RAPGEF6: variants seen among roughly 807,000 people sequenced by gnomAD.
RAPGEF6 encodes the protein PDZ domain containing guanine nucleotide exchange factor (GEF) 2.
In RAPGEF6, 56 loss-of-function variants were observed where a neutral mutation model predicts 171.4. The ratio of observed to expected loss-of-function variants is 0.33; its 90% CI spans 0.26 to 0.41. The LOEUF is 0.41. Among genes scored for constraint, RAPGEF6 ranks in the 10% least tolerant of loss-of-function variants. The probability of loss-of-function intolerance (pLI) is 1.00; values close to 1 mark genes in which losing one functional copy is unlikely to be tolerated. For missense variants in RAPGEF6, 1,674 were observed against 1,921.4 expected, an observed-to-expected ratio of 0.87 and a Z score of 2.41; for synonymous variants, 692 against 650.1, an observed-to-expected ratio of 1.06 and a Z score of -0.98.
chr5:131,491,250 C>A (rs1430074238), intron 14 of RAPGEF6, among the ~76,000 whole-genome samples: 1 of 152,130 alleles, frequency 6.6e-6, no homozygotes, highest in African/African-American at 2.4e-5. Context: ...CCTCTGTCCA[C>A]CAACATGCCA....
At chr5:131,449,155 C>T (rs897861152) in intron 21 of RAPGEF6, among the ~76,000 whole-genome samples, 2 of 152,156 alleles carry the variant, frequency 1.3e-5, no homozygotes, top group African/African-American at 2.4e-5. Flanking sequence ...CAAAAGTCAT[C>T]TCTTTCTTCA....
chr5:131,479,853 T>G lies in RAPGEF6; in HGVS notation c.1841-100A>C. The G allele has an allele frequency of 3.2e-6, 4 of 1,265,520 alleles. No homozygotes were observed. The South Asian group carries it at 4.4e-5, about 14-fold the overall frequency. 78.4% of individuals were successfully genotyped at this position (1,265,520 alleles called of 1,614,324 possible). ...GATAAACACAGTGACTTTCCATTATTTGAACTTTCTCAGTCTCATTCAACT... is the reference window on the plus strand; with the variant it reads ...GATAAACACAGTGACTTTCCATTATGTGAACTTTCTCAGTCTCATTCAACT... On this transcript the variant is annotated intron_variant, in intron 15 of 27. Transcript: ENST00000509018.
intron 6 of RAPGEF6, among the ~76,000 whole-genome samples, chr5:131,521,956 G>A (rs1758526498): frequency 6.6e-6 from 1 of 150,538 alleles, no homozygotes; most frequent in South Asian, 2.1e-4. Context: ...AATGGTGACT[G>A]ATACAAGAAT....
At chr5:131,492,829 C>G (rs767202762) in intron 13 of RAPGEF6, 44 bp from the exon 14 acceptor site, 4 of 1,535,614 alleles carry the variant, frequency 2.6e-6, no homozygotes, top group Non-Finnish European at 1.8e-6. Context: ...GTATCTATTC[C>G]TATAGGTTTT....
chr5:131,463,916 C>T lies in RAPGEF6; in HGVS notation c.2480+125G>A, dbSNP rs539981250. ...AGGAGTGACAAGATATTTTATCAAG[C>T]GTCTTCTGGAGTGAATTTAGGAGCA... On this transcript the variant is annotated intron_variant, in intron 18 of 27. Transcript: ENST00000509018. 4.1e-5 allele frequency: 58 copies of T among 1,419,868 alleles called. No homozygotes were observed. In the South Asian group the frequency reaches 6.3e-4, roughly 15 times the overall value. The allele number at this position is 1,419,868 out of a possible 1,614,324, so 88.0% of individuals were successfully genotyped here. A position where few individuals can be genotyped will look rare whatever the true frequency, so the allele number is the denominator to read the frequency against.
intron 4 of RAPGEF6, among the ~76,000 whole-genome samples, chr5:131,588,793 C>A (rs1249216906): frequency 6.6e-6 from 1 of 151,368 alleles, no homozygotes; most frequent in Admixed American, 6.6e-5. Context: ...TGGAAAACAG[C>A]CAGGCGAGGT....
Position 131,635,042 on chromosome 5 carries a change from G to A in RAPGEF6, c.-12C>T, listed in dbSNP as rs377328902. 7 of 1,599,804 alleles carry A rather than the reference G, an allele frequency of 4.4e-6. No individual in the cohort carries two copies. The highest frequency in any genetic ancestry group is 1.7e-4 in the Middle Eastern group (1 of 6,032). On this transcript the variant is annotated 5_prime_UTR_variant, in exon 1 of 28. Transcript: ENST00000509018. The stretch of plus-strand genomic sequence containing the variant: ...ACGGGTGAGTTCATGGCCACGGCCC[G>A]GGTACTCCGCAGCCTGCCCTTAGCA...
intron 7 of RAPGEF6, among the ~76,000 whole-genome samples, chr5:131,516,069 T>G (rs1415733931): frequency 1.9e-3 from 11 of 5,824 alleles, no homozygotes; most frequent in East Asian, 5.8e-3. Context: ...TTTTTTTTTT[T>G]TTTTTTTTTT....
At chr5:131,627,546 T>G (rs1394711102) in intron 1 of RAPGEF6, among the ~76,000 whole-genome samples, 2 of 152,306 alleles carry the variant, frequency 1.3e-5, no homozygotes, top group African/African-American at 4.8e-5. Flanking sequence ...GAGTTCATTC[T>G]GAAGTAAAAA....
Position 131,510,510 on chromosome 5 carries a change from A to ATCACTT in RAPGEF6, c.628-25_628-20dup. On this transcript the variant is annotated intron_variant, in intron 7 of 27. Coordinates refer to ENST00000509018, the MANE Select transcript of RAPGEF6 (RefSeq NM_016340.6). The stretch of plus-strand genomic sequence containing the variant: ...CCGTAGCCTATGAAAAGAAATCTTG[A>ATCACTT]TCACTTACCATTTCATGTAAAAAAT... The ATCACTT allele has an allele frequency of 6.2e-7, 1 of 1,602,212 alleles. No homozygotes were observed. Among genetic ancestry groups the ATCACTT allele is most frequent in the Non-Finnish European group, 8.5e-7 (1 of 1,173,850 alleles).
chr5:131,449,642 T>C (rs1018384700), intron 21 of RAPGEF6, among the ~76,000 whole-genome samples: 6 of 152,186 alleles, frequency 3.9e-5, no homozygotes, highest in African/African-American at 1.2e-4. Flanking sequence ...ACCTTTCCCA[T>C]CCATACTATG....
chr5:131,446,870 C>G (rs967103289), intron 21 of RAPGEF6, 167 bp from the exon 22 acceptor site: 2 of 648,790 alleles, frequency 3.1e-6, no homozygotes, highest in East Asian at 2.8e-5. Flanking sequence ...TGGTGACGTT[C>G]TGAATTAAGA....
intron 20 of RAPGEF6, among the ~76,000 whole-genome samples, chr5:131,453,928 G>A (rs1342258270): frequency 3.3e-5 from 5 of 152,232 alleles, no homozygotes; most frequent in Admixed American, 3.3e-4. Flanking sequence ...TGAAAACTGA[G>A]TGATAATGAA....
chr5:131,475,418 A>C (rs1755030187), intron 16 of RAPGEF6, among the ~76,000 whole-genome samples: 1 of 152,248 alleles, frequency 6.6e-6, no homozygotes, highest in Non-Finnish European at 1.5e-5. Context: ...TGAAACTAAA[A>C]AGGCTACATA....
At chr5:131,443,466 A>G (rs986365773) in intron 22 of RAPGEF6, among the ~76,000 whole-genome samples, 1 of 152,200 alleles carries the variant, frequency 6.6e-6, no homozygotes, top group African/African-American at 2.4e-5. Flanking sequence ...CTACTGAAAT[A>G]CTTTTCTCAC....
intron 1 of RAPGEF6, among the ~76,000 whole-genome samples, chr5:131,610,954 A>T (rs760973942): frequency 2.0e-5 from 3 of 152,156 alleles, no homozygotes; most frequent in Admixed American, 2.0e-4. Context: ...ATTTATCAAC[A>T]TGTTTGAACT....
At chr5:131,599,315 A>C (rs1357962547) in intron 3 of RAPGEF6, among the ~76,000 whole-genome samples, 2 of 152,154 alleles carry the variant, frequency 1.3e-5, no homozygotes, top group Non-Finnish European at 2.9e-5. Context: ...TGACAGAGTG[A>C]GACTCTGTCT....
At chr5:131,589,970 A>C (rs1763493580) in intron 4 of RAPGEF6, among the ~76,000 whole-genome samples, 1 of 151,806 alleles carries the variant, frequency 6.6e-6, no homozygotes, top group African/African-American at 2.4e-5. Flanking sequence ...CCAAGTCTCA[A>C]CTCTAGTCGT....
chr5:131,457,106 G>A (rs1400655020), intron 19 of RAPGEF6, among the ~76,000 whole-genome samples: 2 of 152,166 alleles, frequency 1.3e-5, no homozygotes, highest in African/African-American at 2.4e-5. Flanking sequence ...CTGTTGCCCA[G>A]GCTGGAGTGC....
Sources: allele counts gnomAD v4.1 joint callset (sites outside exome capture counted in the v4.1 genomes callset), GRCh38; gene constraint gnomAD v4.1.1; transcripts MANE v1.5; gene names NCBI Gene and HGNC (gene_info 2026-07-23, HGNC 2026-07-21).